Variants in BTAF1 observed in about 807,000 individuals in gnomAD.
The protein encoded by BTAF1 is B-TFIID TATA-box binding protein associated factor 1, also known as TATA-binding protein-associated factor 172.
BTAF1 carries 38 observed loss-of-function variants against 227.1 expected under a neutral mutation model. The ratio of observed to expected loss-of-function variants is 0.17; its 90% confidence interval spans 0.13 to 0.22. The LOEUF (loss-of-function observed/expected upper bound fraction) is 0.22, where lower values mean the gene tolerates loss of function less well. Among genes scored for constraint, BTAF1 ranks in the 10% least tolerant of loss-of-function variants. The pLI is 1.00. For synonymous variants in BTAF1, 742 were observed against 751.9 expected, an observed-to-expected ratio of 0.99 and a Z score of 0.21; for missense variants, 1,598 against 2,204.0, an observed-to-expected ratio of 0.73 and a Z score of 5.51.
chr10:91,981,537 CTG>C (rs979627230), intron 15 of BTAF1, 104 bp from the exon 16 acceptor site: 6 of 1,151,780 alleles, frequency 5.2e-6, no homozygotes, highest in Non-Finnish European at 7.1e-6. Flanking sequence ...AAATTAATCT[CTG>C]TGCTATTTCC....
chr10:91,980,654 A>C, intron 15 of BTAF1, 96 bp downstream of exon 15: 193 of 929,494 alleles, frequency 2.1e-4, no homozygotes, highest in Non-Finnish European at 3.0e-4. Flanking sequence ...TTCATATCTC[A>C]TGGAGATTTG....
At chr10:92,024,731 A>AGTTTTTTTGTT in intron 34 of BTAF1, 25 bp from the exon 35 acceptor site, 2 of 954,324 alleles carry the variant, frequency 2.1e-6, no homozygotes, top group South Asian at 4.7e-5. Context: ...ACGCTTATGT[A>AGTTTTTTTGTT]GTTTTTTTTT....
Position 91,937,394 on chromosome 10 carries a change from C to T in BTAF1, c.138+1614C>T, listed in dbSNP as rs868535829. Reference sequence around the variant, plus strand: ...TAACATGGTGTACAGCAGCCATCACCGTACTCTAATTTTAAAACATTTTAT... The same window carrying T: ...TAACATGGTGTACAGCAGCCATCACTGTACTCTAATTTTAAAACATTTTAT... On this transcript the variant is annotated intron_variant, in intron 2 of 37. Transcript: ENST00000265990. Among the ~76,000 whole-genome samples, 7 of 152,048 alleles carry T rather than the reference C, an allele frequency of 4.6e-5. No homozygotes were observed. The South Asian group carries it at 8.3e-4, about 18-fold the overall frequency.
intron 14 of BTAF1, among the ~76,000 whole-genome samples, chr10:91,972,366 C>G (rs542906575): frequency 6.6e-6 from 1 of 152,078 alleles, no homozygotes; most frequent in Non-Finnish European, 1.5e-5. Flanking sequence ...GCTCCCTGCT[C>G]CCCTACCCCC....
At chr10:92,011,212 C>T (rs974809356) in intron 29 of BTAF1, 62 bp downstream of exon 29, 132 of 1,514,626 alleles carry the variant, frequency 8.7e-5, no homozygotes, top group Non-Finnish European at 1.1e-4. Flanking sequence ...TAATATTTTC[C>T]CACTTTAAAG....
intron 20 of BTAF1, among the ~76,000 whole-genome samples, chr10:91,989,792 A>G (rs1416597268): frequency 5.9e-5 from 9 of 152,226 alleles, no homozygotes; most frequent in Non-Finnish European, 1.3e-4. Flanking sequence ...AAAGCCATTC[A>G]TGGAAGATCT....
At chr10:91,957,849 A>C (rs1341856286) in intron 8 of BTAF1, among the ~76,000 whole-genome samples, 1 of 152,148 alleles carries the variant, frequency 6.6e-6, no homozygotes, top group Non-Finnish European at 1.5e-5. Context: ...GTCATAACTC[A>C]TGGGGTGTTA....
At chr10:92,002,896 ACG>A (rs1488379800) in intron 25 of BTAF1, among the ~76,000 whole-genome samples, 1 of 152,178 alleles carries the variant, frequency 6.6e-6, no homozygotes, top group African/African-American at 2.4e-5. Context: ...ATGGTGGCTC[ACG>A]CCTGTAATCC....
intron 1 of BTAF1, among the ~76,000 whole-genome samples, chr10:91,931,686 A>G (rs1435793047): frequency 6.6e-6 from 1 of 152,084 alleles, no homozygotes; most frequent in East Asian, 1.9e-4. Flanking sequence ...TCACTGTACC[A>G]GCCTTTTCCA....
At chr10:91,991,773 A>ATGTG (rs1241014351) in intron 20 of BTAF1, among the ~76,000 whole-genome samples, 17 of 20,914 alleles carry the variant, frequency 8.1e-4, no homozygotes, top group African/African-American at 2.2e-3. Flanking sequence ...AAAATTATAT[A>ATGTG]TATGTGTGTG....
At chr10:92,012,112 TCC>T (rs1850354816) in intron 30 of BTAF1, among the ~76,000 whole-genome samples, 1 of 36,008 alleles carries the variant, frequency 2.8e-5, no homozygotes, top group Admixed American at 3.5e-4. Context: ...CTCCCTCCCC[TCC>T]TGTCCCCCCT....
intron 6 of BTAF1, among the ~76,000 whole-genome samples, chr10:91,954,629 C>T (rs533332157): frequency 6.6e-6 from 1 of 152,078 alleles, no homozygotes; most frequent in South Asian, 2.1e-4. Flanking sequence ...TCGATCGTAG[C>T]TCACTACAGC....
At chr10:91,942,244 A>G (rs1344486842) in intron 3 of BTAF1, among the ~76,000 whole-genome samples, 178 bp from the exon 4 acceptor site, 1 of 151,802 alleles carries the variant, frequency 6.6e-6, no homozygotes, top group Non-Finnish European at 1.5e-5. Context: ...TGATTATGCC[A>G]CTACATTGCA....
chr10:91,965,963 T>A (rs1227620231), intron 13 of BTAF1, among the ~76,000 whole-genome samples: 1 of 152,244 alleles, frequency 6.6e-6, no homozygotes, highest in Non-Finnish European at 1.5e-5. Context: ...TTTCAAATGC[T>A]GCTTATGAAT....
intron 4 of BTAF1, among the ~76,000 whole-genome samples, chr10:91,948,844 G>A (rs1210168325): frequency 6.6e-6 from 1 of 152,002 alleles, no homozygotes; most frequent in African/African-American, 2.4e-5. Context: ...CTCCTGGGCT[G>A]AAGCAATCCT....
intron 20 of BTAF1, among the ~76,000 whole-genome samples, chr10:91,991,230 G>C (rs952328983): frequency 1.9e-5 from 2 of 104,674 alleles, no homozygotes; most frequent in Non-Finnish European, 4.5e-5. Flanking sequence ...TGGGCGACAG[G>C]GCGAGACTCC....
chr10:91,946,977 G>A (rs1466217587), intron 4 of BTAF1, among the ~76,000 whole-genome samples: 1 of 151,846 alleles, frequency 6.6e-6, no homozygotes, highest in Non-Finnish European at 1.5e-5. Context: ...TGCAGTAGCT[G>A]GGATTACTGG....
chr10:92,006,685 GACA>G (rs1849911328), intron 25 of BTAF1, among the ~76,000 whole-genome samples: 1 of 152,252 alleles, frequency 6.6e-6, no homozygotes, highest in African/African-American at 2.4e-5. Context: ...TTTTATCAGT[GACA>G]ACAAGTTAAT....
intron 37 of BTAF1, 46 bp downstream of exon 37, chr10:92,027,346 C>T (rs1283911125): frequency 6.6e-7 from 1 of 1,516,690 alleles, no homozygotes; most frequent in Non-Finnish European, 8.9e-7. Context: ...CACAGGCTTC[C>T]TGTGACTGCT....
Sources: gnomAD v4.1 joint callset for allele counts (sites outside exome capture counted in the v4.1 genomes callset) on GRCh38, gnomAD v4.1.1 for gene constraint, MANE v1.5 for transcripts, NCBI Gene and HGNC (gene_info 2026-07-23, HGNC 2026-07-21) for gene names.